The following DLG2 variants were observed in gnomAD, a reference collection of about 807,000 sequenced individuals.
The protein encoded by DLG2 is disks large homolog 2.
A neutral mutation model predicts 132.5 loss-of-function variants in DLG2; 45 were observed. The observed-to-expected ratio is 0.34, with a 90% CI of 0.27 to 0.44. The LOEUF is 0.44. Ranked by LOEUF, DLG2 falls within the 20% of genes least tolerant of loss-of-function variation. The pLI is 1.00. For synonymous variants in DLG2, 424 were observed against 419.6 expected (o/e 1.01, Z -0.13); for missense variants, 1,045 against 1,196.9 (o/e 0.87, Z 1.87).
chr11:84,463,126 C>T (rs1383651113), intron 7 of DLG2, among the ~76,000 whole-genome samples: 1 of 151,098 alleles, frequency 6.6e-6, no homozygotes, highest in African/African-American at 2.4e-5. Flanking sequence ...GAGGTTCAGC[C>T]CCTTGCTCAA....
intron 6 of DLG2, among the ~76,000 whole-genome samples, chr11:84,593,302 C>A (rs907937215): frequency 1.3e-5 from 2 of 151,926 alleles, no homozygotes; most frequent in Non-Finnish European, 2.9e-5. Flanking sequence ...GGATATATAC[C>A]CAAAGGATTA....
chr11:84,301,141 C>T (rs2098146551), intron 7 of DLG2, among the ~76,000 whole-genome samples: 2 of 152,044 alleles, frequency 1.3e-5, no homozygotes, highest in Admixed American at 6.5e-5. Context: ...TTCTAGTACA[C>T]CAAGGTTTAC....
At chr11:84,321,908 T>A (rs977822805) in intron 7 of DLG2, among the ~76,000 whole-genome samples, 7 of 152,230 alleles carry the variant, frequency 4.6e-5, no homozygotes, top group African/African-American at 1.7e-4. Context: ...ATAGCTCATG[T>A]CATCTTTCCA....
intron 3 of DLG2, chr11:85,336,342 C>G (rs543313864): frequency 6.5e-6 from 1 of 153,170 alleles, no homozygotes; most frequent in South Asian, 2.1e-4. Context: ...CCAGGAGGTT[C>G]TGCTGCCATT....
At chr11:84,946,911 C>T (rs1440911997) in intron 6 of DLG2, among the ~76,000 whole-genome samples, 1 of 152,150 alleles carries the variant, frequency 6.6e-6, no homozygotes, top group Non-Finnish European at 1.5e-5. Flanking sequence ...ATGAATGATT[C>T]CCCTCTGGCT....
At chr11:85,147,837 CA>C (rs2076964072) in intron 5 of DLG2, among the ~76,000 whole-genome samples, 1 of 152,158 alleles carries the variant, frequency 6.6e-6, no homozygotes, top group African/African-American at 2.4e-5. Context: ...CTGCACCTAT[CA>C]ACCAATCATC....
chr11:84,733,264 A>G (rs2063388583), intron 6 of DLG2, among the ~76,000 whole-genome samples: 1 of 152,274 alleles, frequency 6.6e-6, no homozygotes, highest in East Asian at 1.9e-4. Context: ...CCAACAGTGT[A>G]AGAGTGTTCC....
In DLG2 at chr11:83,456,275, G is replaced by C. The variant is rs995840117; in HGVS notation, c.*3543C>G. ...GGCCCACAGCACATGCATCATCGCT[G>C]CCAGGGCAACGGTGCAGGCTGGCTC... On this transcript the variant is annotated 3_prime_UTR_variant, in exon 28 of 28. Coordinates refer to ENST00000376104, the MANE Select transcript of DLG2 (RefSeq NM_001142699.3). 6.5e-6 allele frequency: 1 copy of C among 152,920 alleles called. No homozygotes were observed. Among genetic ancestry groups the C allele is most frequent in the Non-Finnish European group, 1.5e-5 (1 of 68,250 alleles). 9.5% of individuals were successfully genotyped at this position (152,920 alleles called of 1,614,324 possible). A position where few individuals can be genotyped will look rare whatever the true frequency, so the allele number is the denominator to read the frequency against.
chr11:85,526,457 G>A (rs1228075226), intron 3 of DLG2, among the ~76,000 whole-genome samples: 3 of 151,944 alleles, frequency 2.0e-5, no homozygotes, highest in African/African-American at 7.3e-5. Context: ...TTTCAAAAAT[G>A]AACACAAAAT....
In DLG2 at chr11:85,462,707, C is replaced by T. The variant is rs185601266; in HGVS notation, c.40+135950G>A. ...AGGAGATATACCTAATGTTAAATGA[C>T]GAGTTGATGGGTGCAGCACACCAAC... On this transcript the variant is annotated intron_variant, in intron 3 of 27. Transcript: ENST00000376104. Among the ~76,000 whole-genome samples, 276 of 151,822 alleles carry T rather than the reference C, an allele frequency of 1.8e-3. 1 individual carries two copies. Among genetic ancestry groups the T allele is most frequent in the Non-Finnish European group, 3.0e-3 (203 of 67,966 alleles).
rs143602597 is a variant in DLG2 at position 85,243,101 on chromosome 11, C to A, written c.186+42119G>T. Among the ~76,000 whole-genome samples, 435 of 152,020 alleles carry A rather than the reference C, an allele frequency of 2.9e-3. 2 individuals carry two copies. Among genetic ancestry groups the A allele is most frequent in the African/African-American group, 0.01 (427 of 41,514 alleles). The stretch of plus-strand genomic sequence containing the variant: ...ACCGCTCATAGCCTAATGGACCAAT[C>A]CCTGACCTAGGCTGCAGCCATCCCC... On this transcript the variant is annotated intron_variant, in intron 4 of 27. Transcript: ENST00000376104.
At chr11:83,927,726 T>C (rs796158247) in intron 15 of DLG2, among the ~76,000 whole-genome samples, 29 of 152,192 alleles carry the variant, frequency 1.9e-4, no homozygotes, top group African/African-American at 7.0e-4. Context: ...GCACTGAGAA[T>C]AAGCCTGGAG....
chr11:84,920,597 C>G (rs548914608), intron 6 of DLG2, among the ~76,000 whole-genome samples: 15 of 152,246 alleles, frequency 9.9e-5, no homozygotes, highest in African/African-American at 3.6e-4. Flanking sequence ...CTGTTTCTAT[C>G]TATCCTAGTT....
chr11:85,338,405 C>T (rs1360392794), intron 3 of DLG2, among the ~76,000 whole-genome samples: 5 of 152,168 alleles, frequency 3.3e-5, no homozygotes, highest in Non-Finnish European at 7.3e-5. Flanking sequence ...TTCACAGTTA[C>T]TTAAATCAGT....
At chr11:83,979,356 C>A (rs957656765) in intron 12 of DLG2, among the ~76,000 whole-genome samples, 30 of 152,154 alleles carry the variant, frequency 2.0e-4, no homozygotes, top group African/African-American at 6.3e-4. Flanking sequence ...TGGCTCCTTG[C>A]AGACAGATTA....
chr11:83,832,543 G>C (rs2054858933), intron 17 of DLG2, among the ~76,000 whole-genome samples: 1 of 152,108 alleles, frequency 6.6e-6, no homozygotes, highest in Non-Finnish European at 1.5e-5. Context: ...TTATAAGTGG[G>C]AGCGAAATAC....
rs183159651 is a variant in DLG2, at chr11:83,866,837, G to A, written c.1565+7583C>T. Among the ~76,000 whole-genome samples, 20 of 152,206 alleles carry A rather than the reference G, an allele frequency of 1.3e-4. No individual in the cohort carries two copies. In the East Asian group the frequency reaches 2.5e-3, roughly 19 times the overall value. On this transcript the variant is annotated intron_variant, in intron 16 of 27. Transcript: ENST00000376104. ...CAATACTACTGGCATTGAGCAGCCC[G>A]CAGTATGTGAGTCCACTAAACAGGG...
chr11:84,249,584 T>C (rs2154349404), intron 8 of DLG2, among the ~76,000 whole-genome samples: 1 of 152,322 alleles, frequency 6.6e-6, no homozygotes. Flanking sequence ...CTCATAGGAT[T>C]GTTATGAGGA....
intron 6 of DLG2, among the ~76,000 whole-genome samples, chr11:84,621,832 G>T (rs899444213): frequency 6.6e-6 from 1 of 152,158 alleles, no homozygotes; most frequent in East Asian, 1.9e-4. Flanking sequence ...TTGGGGGAAG[G>T]GTGGCAGGAG....
Sources: allele counts gnomAD v4.1 joint callset (sites outside exome capture counted in the v4.1 genomes callset), GRCh38; gene constraint gnomAD v4.1.1; transcripts MANE v1.5; gene names NCBI Gene and HGNC (gene_info 2026-07-23, HGNC 2026-07-21).